INPP4A: variants seen among roughly 807,000 people sequenced by gnomAD.
The protein encoded by INPP4A is inositol polyphosphate-4-phosphatase type I A.
In INPP4A, 33 loss-of-function variants were observed where a neutral mutation model predicts 119.8. The ratio of observed to expected loss-of-function variants is 0.28; its 90% CI spans 0.21 to 0.37. INPP4A has a LOEUF of 0.37. Among genes scored for constraint, INPP4A ranks in the 10% least tolerant of loss-of-function variants. INPP4A has a pLI of 1.00. For missense variants in INPP4A, 956 were observed against 1,289.9 expected (o/e 0.74, Z 3.97); for synonymous variants, 496 against 500.7 (o/e 0.99, Z 0.12).
At chr2:98,471,674 CT>C (rs1318775238) in intron 1 of INPP4A, among the ~76,000 whole-genome samples, 1 of 152,184 alleles carries the variant, frequency 6.6e-6, no homozygotes, top group African/African-American at 2.4e-5. Flanking sequence ...TGTCTGTAAG[CT>C]TTTAAAATTC....
intron 24 of INPP4A, among the ~76,000 whole-genome samples, 173 bp from the exon 25 acceptor site, chr2:98,587,303 T>G (rs1700053773): frequency 6.6e-6 from 1 of 152,230 alleles, no homozygotes; most frequent in Non-Finnish European, 1.5e-5. Flanking sequence ...TTAATTGCCT[T>G]GTTCAGAAAC....
At chr2:98,506,920 G>C (rs913389665) in intron 1 of INPP4A, among the ~76,000 whole-genome samples, 1 of 152,238 alleles carries the variant, frequency 6.6e-6, no homozygotes, top group South Asian at 2.1e-4. Context: ...AGCTGCGTTT[G>C]TTTCCTGAAA....
At chr2:98,560,836 C>T (rs1195215371) in intron 17 of INPP4A, among the ~76,000 whole-genome samples, 1 of 152,224 alleles carries the variant, frequency 6.6e-6, no homozygotes, top group Non-Finnish European at 1.5e-5. Context: ...AGGGGGTCTT[C>T]TCAGTTCTGG....
In INPP4A at chr2:98,488,990, G is replaced by A. The variant is rs528321231; in HGVS notation, c.-165-29974G>A. Among the ~76,000 whole-genome samples, 645 of 147,606 alleles carry A rather than the reference G, an allele frequency of 4.4e-3. 4 individuals are homozygous for A. The highest frequency in any genetic ancestry group is 7.8e-3 in the Non-Finnish European group (525 of 67,082). On this transcript the variant is annotated intron_variant, in intron 1 of 24. Transcript: ENST00000409851. ...GTGTGTGTGTGTGTGTGTGTAAATGGTGTAGTTTGTTGGCTGTCAGCCTTA... is the reference window on the plus strand; with the variant it reads ...GTGTGTGTGTGTGTGTGTGTAAATGATGTAGTTTGTTGGCTGTCAGCCTTA...
intron 1 of INPP4A, among the ~76,000 whole-genome samples, chr2:98,463,574 A>T (rs946837774): frequency 6.6e-6 from 1 of 152,228 alleles, no homozygotes; most frequent in Non-Finnish European, 1.5e-5. Flanking sequence ...AAAGTTACCA[A>T]CTGGGAGCAC....
chr2:98,587,426 C>CT (rs912233991), intron 24 of INPP4A, 50 bp from the exon 25 acceptor site: 1 of 1,500,086 alleles, frequency 6.7e-7, no homozygotes, highest in African/African-American at 1.4e-5. Context: ...TAAGTCTTTT[C>CT]TTTTTTCCTT....
At chr2:98,531,580 A>C (rs1449579345) in intron 4 of INPP4A, among the ~76,000 whole-genome samples, 1 of 152,320 alleles carries the variant, frequency 6.6e-6, no homozygotes, top group East Asian at 1.9e-4. Context: ...TGAAAGCCAT[A>C]CTCAGTGGGA....
chr2:98,520,512 G>A (rs887496813), intron 3 of INPP4A, among the ~76,000 whole-genome samples, 175 bp from the exon 4 acceptor site: 5 of 151,616 alleles, frequency 3.3e-5, no homozygotes, highest in Admixed American at 6.6e-5. Context: ...TTTGGTTGTG[G>A]GGTCAGGGAC....
intron 4 of INPP4A, among the ~76,000 whole-genome samples, chr2:98,525,216 G>A (rs979752258): frequency 1.3e-5 from 2 of 152,180 alleles, no homozygotes; most frequent in African/African-American, 4.8e-5. Context: ...TCCTCTTGTG[G>A]ACTTACAGTC....
At chr2:98,459,731 C>G (rs1409779946) in intron 1 of INPP4A, among the ~76,000 whole-genome samples, 1 of 152,194 alleles carries the variant, frequency 6.6e-6, no homozygotes, top group Non-Finnish European at 1.5e-5. Context: ...CCCACTGTGC[C>G]TGGCACAAAA....
intron 13 of INPP4A, chr2:98,548,891 G>A: frequency 6.7e-7 from 1 of 1,492,704 alleles, no homozygotes; most frequent in Non-Finnish European, 9.1e-7. Context: ...TTAATTTTTT[G>A]TTTTTGCATT....
Position 98,514,142 on chromosome 2 carries a change from G to A in INPP4A, c.-165-4822G>A, listed in dbSNP as rs565012452. 3.3e-5 allele frequency among the ~76,000 whole-genome samples: 5 copies of A among 152,290 alleles called. No homozygotes were observed. The South Asian group carries it at 8.3e-4, about 25-fold the overall frequency. ...CTAGTAGAGCCACTTCAGTGAACCCGTCGTCTTTACGTTAAAGTCATCTCA... is the reference window on the plus strand; with the variant it reads ...CTAGTAGAGCCACTTCAGTGAACCCATCGTCTTTACGTTAAAGTCATCTCA... On this transcript the variant is annotated intron_variant, in intron 1 of 24. Transcript: ENST00000409851.
chr2:98,552,962 C>A lies in INPP4A; in HGVS notation c.1340C>A (p.Ala447Glu). ...TGLERTLAIL[A>E]DKTRQLVTVC... ...CTTGAGAGGACACTCGCCATCTTGGCAGACAAGGTAGGAGGGGTGCCCTGC... is the reference window on the plus strand; with the variant it reads ...CTTGAGAGGACACTCGCCATCTTGGAAGACAAGGTAGGAGGGGTGCCCTGC... Residue 447 changes from alanine (A) to glutamate (E), a missense_variant, in exon 14 of 25, where the codon GCA becomes GAA. Coordinates refer to ENST00000409851, the MANE Select transcript of INPP4A (RefSeq NM_001134225.2). The A allele has an allele frequency of 6.2e-7, 1 of 1,609,420 alleles. No homozygotes were observed. The highest frequency in any genetic ancestry group is 8.5e-7 in the Non-Finnish European group (1 of 1,177,304).
intron 1 of INPP4A, among the ~76,000 whole-genome samples, chr2:98,463,367 T>C: frequency 6.6e-6 from 1 of 152,232 alleles, no homozygotes; most frequent in East Asian, 1.9e-4. Flanking sequence ...TCAGCTGTGA[T>C]GGTGTCTCGC....
chr2:98,520,955 G>A (rs1019459850), intron 4 of INPP4A: 4 of 460,364 alleles, frequency 8.7e-6, no homozygotes, highest in Non-Finnish European at 1.5e-5. Context: ...CTCAGCATGG[G>A]GCCCGCCCCC....
chr2:98,539,812 C>A, intron 10 of INPP4A, 137 bp downstream of exon 10: 1 of 802,228 alleles, frequency 1.2e-6, no homozygotes, highest in Non-Finnish European at 1.8e-6. Flanking sequence ...AGCTCTGTGG[C>A]CTTGGCTTGC....
chr2:98,445,683 C>A (rs1005874735), intron 1 of INPP4A, among the ~76,000 whole-genome samples: 3 of 152,158 alleles, frequency 2.0e-5, no homozygotes, highest in Non-Finnish European at 4.4e-5. Flanking sequence ...AGAAGACAGA[C>A]GTTCAAAATG....
rs1176166758 is a variant in INPP4A at position 98,587,845 on chromosome 2, TTTAAA to T, written c.*244_*248del. On this transcript the variant is annotated 3_prime_UTR_variant, in exon 25 of 25. Coordinates refer to ENST00000409851, the MANE Select transcript of INPP4A (RefSeq NM_001134225.2). ...TAGTGTGGATAGTAACAACTGCCTA[TTTAAA>T]TTAAATAGCCTTTGGCTGTAACTAC... 7.8e-6 allele frequency: 3 copies of T among 386,050 alleles called. No individual in the cohort carries two copies. The highest frequency in any genetic ancestry group is 1.4e-5 in the Non-Finnish European group (3 of 217,750). 23.9% of individuals were successfully genotyped at this position (386,050 alleles called of 1,614,324 possible).
intron 5 of INPP4A, among the ~76,000 whole-genome samples, chr2:98,535,158 C>G (rs1437961967): frequency 6.6e-6 from 1 of 152,198 alleles, no homozygotes; most frequent in African/African-American, 2.4e-5. Flanking sequence ...AGGACATGGC[C>G]AGGCTGCCAG....
Sources: allele counts gnomAD v4.1 joint callset (sites outside exome capture counted in the v4.1 genomes callset), GRCh38; gene constraint gnomAD v4.1.1; transcripts MANE v1.5; gene names NCBI Gene and HGNC (gene_info 2026-07-23, HGNC 2026-07-21).